Variants in TRHDE observed in about 807,000 individuals in gnomAD.
TRHDE encodes thyrotropin-releasing hormone-degrading ectoenzyme.
In TRHDE, 72 loss-of-function variants were observed where a neutral mutation model predicts 125.7. The observed-to-expected ratio is 0.57, with a 90% CI of 0.47 to 0.70. TRHDE has a LOEUF of 0.70. Ranked by LOEUF, TRHDE falls within the 30% of genes least tolerant of loss-of-function variation. The probability of loss-of-function intolerance (pLI) is 0.00; values close to 1 mark genes in which losing one functional copy is unlikely to be tolerated. For missense variants in TRHDE, 1,110 were observed against 1,327.1 expected, an observed-to-expected ratio of 0.84 and a Z score of 2.54; for synonymous variants, 509 against 509.1, an observed-to-expected ratio of 1.00 and a Z score of 0.00.
chr12:72,136,886 T>C (rs1680598188), intron 2 of TRHDE, among the ~76,000 whole-genome samples: 1 of 152,154 alleles, frequency 6.6e-6, no homozygotes, highest in Admixed American at 6.5e-5. Context: ...GTAACATTTG[T>C]GGGAAGAAGC....
At chr12:72,220,341 A>G (rs539219721) in intron 2 of TRHDE, among the ~76,000 whole-genome samples, 1 of 152,290 alleles carries the variant, frequency 6.6e-6, no homozygotes, top group East Asian at 1.9e-4. Context: ...CCTAAAACAT[A>G]TAGTCTAGGC....
At chr12:72,488,366 A>G (rs1877509277) in intron 5 of TRHDE, among the ~76,000 whole-genome samples, 1 of 152,074 alleles carries the variant, frequency 6.6e-6, no homozygotes, top group Admixed American at 6.6e-5. Flanking sequence ...GGCTATACTT[A>G]TATCTGATAA....
rs1441755624 is a variant in TRHDE at position 72,575,477 on chromosome 12, T to C, written c.2266-10T>C. 3.7e-6 allele frequency: 6 copies of C among 1,613,560 alleles called. No individual in the cohort carries two copies. In the African/African-American group the frequency reaches 4.0e-5, roughly 11 times the overall value. On this transcript the variant is annotated splice_polypyrimidine_tract_variant and intron_variant, in intron 11 of 18. Coordinates refer to ENST00000261180, the MANE Select transcript of TRHDE (RefSeq NM_013381.3). ...TAAATTATCCTATTATTTTTTCTAATTGGCCTCAGGTTCTTTCTGTCAGTA... is the reference window on the plus strand; with the variant it reads ...TAAATTATCCTATTATTTTTTCTAACTGGCCTCAGGTTCTTTCTGTCAGTA...
rs184758918 is a variant in TRHDE at position 72,255,209 on chromosome 12, A to G, written n.280-122786A>G. ...AATAAATTGCGAAGTGGTTTCACCA[A>G]TAACCAATCCCAAGAGAGGACTTCC... is the stretch of plus-strand genomic sequence containing the variant. On this transcript the variant is annotated intron_variant and non_coding_transcript_variant, in intron 2 of 4. Transcript: ENST00000548156. The G allele has an allele frequency of 5.3e-5, 8 of 152,326 alleles. No homozygotes were observed. In the East Asian group the frequency reaches 7.7e-4, roughly 15 times the overall value. The allele number at this position is 152,326 out of a possible 1,614,324, so 9.4% of individuals were successfully genotyped here. A position where few individuals can be genotyped will look rare whatever the true frequency, so the allele number is the denominator to read the frequency against.
At chr12:72,572,152 A>T (rs958933546) in intron 10 of TRHDE, among the ~76,000 whole-genome samples, 1 of 152,128 alleles carries the variant, frequency 6.6e-6, no homozygotes. Context: ...TGAGAAGACC[A>T]GTATGTATTA....
chr12:72,231,264 T>G (rs1444313492), intron 2 of TRHDE, among the ~76,000 whole-genome samples: 2 of 152,128 alleles, frequency 1.3e-5, no homozygotes, highest in African/African-American at 4.8e-5. Context: ...AACTGTAACA[T>G]CTGGGATCAG....
At chr12:72,158,003 G>C (rs1480804500) in intron 2 of TRHDE, among the ~76,000 whole-genome samples, 1 of 152,100 alleles carries the variant, frequency 6.6e-6, no homozygotes, top group Non-Finnish European at 1.5e-5. Context: ...TGAGGGAAAA[G>C]GGCACGATCA....
chr12:72,600,837 C>G (rs1170119461), intron 12 of TRHDE, among the ~76,000 whole-genome samples: 1 of 151,992 alleles, frequency 6.6e-6, no homozygotes, highest in East Asian at 1.9e-4. Context: ...CAGGGAAAAC[C>G]ATTTCTTTCA....
chr12:72,517,058 G>T (rs2135956447), intron 6 of TRHDE, among the ~76,000 whole-genome samples: 1 of 152,050 alleles, frequency 6.6e-6, no homozygotes, highest in Middle Eastern at 3.4e-3. Context: ...GTATTTTATT[G>T]AGTATTTTGG....
chr12:72,569,437 A>G (rs1186107390), intron 10 of TRHDE, among the ~76,000 whole-genome samples: 1 of 152,090 alleles, frequency 6.6e-6, no homozygotes, highest in African/African-American at 2.4e-5. Flanking sequence ...AATTGATGTT[A>G]TTTTGCTCTC....
chr12:72,551,072 G>A (rs1049451874), intron 7 of TRHDE, among the ~76,000 whole-genome samples: 3 of 151,652 alleles, frequency 2.0e-5, no homozygotes, highest in African/African-American at 7.3e-5. Context: ...ACTTTATATA[G>A]TTATAAAATA....
chr12:72,112,625 T>A (rs1177861079), intron 2 of TRHDE, among the ~76,000 whole-genome samples: 6 of 152,190 alleles, frequency 3.9e-5, no homozygotes, highest in Non-Finnish European at 8.8e-5. Flanking sequence ...ATAGATAATT[T>A]GATCTCATTG....
chr12:72,168,141 T>G (rs1876793519), intron 2 of TRHDE, among the ~76,000 whole-genome samples: 1 of 152,154 alleles, frequency 6.6e-6, no homozygotes, highest in Admixed American at 6.5e-5. Flanking sequence ...TTGGAGATTG[T>G]TTTGTTGTTT....
intron 6 of TRHDE, among the ~76,000 whole-genome samples, chr12:72,537,217 C>T (rs1180626031): frequency 2.0e-5 from 3 of 151,978 alleles, no homozygotes; most frequent in Non-Finnish European, 4.4e-5. Flanking sequence ...TAATGAATGA[C>T]AGATACATTA....
chr12:72,421,557 A>G (rs1036094304), intron 3 of TRHDE, among the ~76,000 whole-genome samples: 4 of 152,132 alleles, frequency 2.6e-5, no homozygotes, highest in Non-Finnish European at 4.4e-5. Context: ...ATGTGGCATT[A>G]TTTTTGCTAC....
chr12:72,231,078 C>T (rs1194108981), intron 2 of TRHDE, among the ~76,000 whole-genome samples: 1 of 152,014 alleles, frequency 6.6e-6, no homozygotes, highest in Non-Finnish European at 1.5e-5. Flanking sequence ...AGAATTAATT[C>T]ACATACTAGG....
At chr12:72,481,428 C>T (rs1188547083) in intron 5 of TRHDE, among the ~76,000 whole-genome samples, 3 of 151,336 alleles carry the variant, frequency 2.0e-5, no homozygotes, top group East Asian at 1.9e-4. Flanking sequence ...CTCAGTTACT[C>T]CTTTATCCGT....
chr12:72,176,961 T>C (rs1877002006), intron 2 of TRHDE, among the ~76,000 whole-genome samples: 1 of 152,142 alleles, frequency 6.6e-6, no homozygotes, highest in Admixed American at 6.6e-5. Context: ...TTTGTGTTTT[T>C]TTTTCCCATT....
intron 5 of TRHDE, among the ~76,000 whole-genome samples, chr12:72,478,873 C>T (rs1277793023): frequency 7.3e-6 from 1 of 137,078 alleles, no homozygotes; most frequent in South Asian, 2.2e-4. Context: ...AGGCCTGACA[C>T]TGGAATCTAA....
Sources: gnomAD v4.1 joint callset for allele counts (sites outside exome capture counted in the v4.1 genomes callset) on GRCh38, gnomAD v4.1.1 for gene constraint, MANE v1.5 for transcripts, NCBI Gene and HGNC (gene_info 2026-07-23, HGNC 2026-07-21) for gene names.